BRIP1: variants seen among roughly 807,000 people sequenced by gnomAD.
BRIP1 encodes the protein BRCA1 interacting DNA helicase 1.
BRIP1 carries 88 observed loss-of-function variants against 119.7 expected under a neutral mutation model. The observed-to-expected ratio is 0.74, with a 90% confidence interval of 0.62 to 0.88. The LOEUF (loss-of-function observed/expected upper bound fraction) is 0.88. Ranked by LOEUF, BRIP1 falls within the 40% of genes least tolerant of loss-of-function variation. The probability of loss-of-function intolerance (pLI) is 0.00; values close to 1 mark genes in which losing one functional copy is unlikely to be tolerated. For missense variants in BRIP1, 1,259 were observed against 1,455.4 expected (o/e 0.87, Z 2.20); for synonymous variants, 443 against 496.5 (o/e 0.89, Z 1.43).
rs2077160966 is a variant in BRIP1 at position 61,753,549 on chromosome 17, G to A, written c.2098-8958C>T. Among the ~76,000 whole-genome samples the A allele has an allele frequency of 6.6e-6, 1 of 151,328 alleles. No individual in the cohort carries two copies. The highest frequency in any genetic ancestry group is 1.5e-5 in the Non-Finnish European group (1 of 67,878). The stretch of plus-strand genomic sequence containing the variant: ...ATGTATAGAGATGAGATTGCCTAGT[G>A]GGAGAGTACAGATTTAAAAGGGGGG... On this transcript the variant is annotated intron_variant, in intron 14 of 19. Coordinates refer to ENST00000259008, the MANE Select transcript of BRIP1 (RefSeq NM_032043.3). The surrounding 1 kb of genome is among the most constrained non-coding windows in gnomAD (Gnocchi z 4.6).
chr17:61,743,107 C>A lies in BRIP1; in HGVS notation c.2285G>T (p.Arg762Leu), dbSNP rs200960251. 1 of 1,613,938 alleles carries A rather than the reference C, an allele frequency of 6.2e-7. No homozygotes were observed. The highest frequency in any genetic ancestry group is 1.1e-5 in the South Asian group (1 of 91,080). ...KDGALLVAVC[R>L]GKVSEGLDFS... ...ATCCAGACCCTCACTCACTTTACCA[C>A]GACAAACTGCTACCAGGAGAGCTCC... Residue 762 changes from arginine to leucine, a missense_variant, in exon 16 of 20, where the codon CGT (arginine) becomes CTT (leucine). Physicochemically the swap from Arg to Leu is moderately radical, Grantham distance 102. Around this residue, in one of 3 missense-constraint regions of BRIP1, gnomAD observed 753 missense variants for 891.8 expected, o/e 0.84. Coordinates refer to ENST00000259008, the MANE Select transcript of BRIP1 (RefSeq NM_032043.3). This position sits in a 1 kb window ranked among gnomAD's most constrained non-coding sequence, Gnocchi z 4.3.
chr17:61,705,094 G>C lies in BRIP1; in HGVS notation c.2492+10857C>G, dbSNP rs1258333027. ...TCAACCCTTGCTTCCCTCCTTCTCT[G>C]CCTCCACTTACATTCATTCCCTAGT... On this transcript the variant is annotated intron_variant, in intron 17 of 19. Transcript: ENST00000259008. The surrounding 1 kb of genome is among the most constrained non-coding windows in gnomAD (Gnocchi z 5.0). 6.6e-6 allele frequency among the ~76,000 whole-genome samples: 1 copy of C among 151,978 alleles called. No individual in the cohort carries two copies. Among genetic ancestry groups the C allele is most frequent in the Non-Finnish European group, 1.5e-5 (1 of 67,952 alleles).
rs1284859367 is a variant in BRIP1 at position 61,796,829 on chromosome 17, G to C, written c.1340+2271C>G. Among the ~76,000 whole-genome samples, 1 of 151,966 alleles carries C rather than the reference G, an allele frequency of 6.6e-6. No individual in the cohort carries two copies. The highest frequency in any genetic ancestry group is 1.5e-5 in the Non-Finnish European group (1 of 67,948). ...GAGAAGACTGTAGGATGATAGATAT[G>C]AACAATCAATGATATTGAGGAATTG... On this transcript the variant is annotated intron_variant, in intron 9 of 19. Transcript: ENST00000259008. This position sits in a 1 kb window ranked among gnomAD's most constrained non-coding sequence, Gnocchi z 4.8.
At chr17:61,771,356 T>C (rs1157151850) in intron 14 of BRIP1, among the ~76,000 whole-genome samples, 3 of 152,176 alleles carry the variant, frequency 2.0e-5, no homozygotes, top group Admixed American at 2.0e-4. Context: ...TACACAACTT[T>C]GTGAATATAC....
rs1325208540 is a variant in BRIP1 at position 61,744,134 on chromosome 17, A to G, written c.2257+298T>C. Among the ~76,000 whole-genome samples the G allele has an allele frequency of 6.6e-6, 1 of 152,198 alleles. No homozygotes were observed. Among genetic ancestry groups the G allele is most frequent in the African/African-American group, 2.4e-5 (1 of 41,460 alleles). ...ATAGGTCTCATTTGGCTAGTAAGGA[A>G]TATATTTATATATATCCTAACTGCC... On this transcript the variant is annotated intron_variant, in intron 15 of 19. Coordinates refer to ENST00000259008, the MANE Select transcript of BRIP1 (RefSeq NM_032043.3). This position sits in a 1 kb window ranked among gnomAD's most constrained non-coding sequence, Gnocchi z 5.0.
rs1442966013 is a variant in BRIP1, at chr17:61,815,121, A to G, written c.628-6364T>C. Among the ~76,000 whole-genome samples the G allele has an allele frequency of 1.3e-5, 2 of 151,816 alleles. No individual in the cohort carries two copies. Among genetic ancestry groups the G allele is most frequent in the African/African-American group, 2.4e-5 (1 of 41,392 alleles). On this transcript the variant is annotated intron_variant, in intron 6 of 19. Transcript: ENST00000259008. This position sits in a 1 kb window ranked among gnomAD's most constrained non-coding sequence, Gnocchi z 4.1. ...AAAATGCTAGAAGTGCTGGAAAAAA[A>G]AAAAAAAACCCACAGTAAATATACT...
At chr17:61,835,758 T>G (rs2078562534) in intron 6 of BRIP1, among the ~76,000 whole-genome samples, 1 of 151,854 alleles carries the variant, frequency 6.6e-6, no homozygotes, top group African/African-American at 2.4e-5. Context: ...TATAACAATT[T>G]AGTACATGAT....
rs2077561095 is a variant in BRIP1 at position 61,778,031 on chromosome 17, T to C, written c.1936-1469A>G. Among the ~76,000 whole-genome samples, 1 of 152,106 alleles carries C rather than the reference T, an allele frequency of 6.6e-6. No homozygotes were observed. The highest frequency in any genetic ancestry group is 1.5e-5 in the Non-Finnish European group (1 of 68,014). On this transcript the variant is annotated intron_variant, in intron 13 of 19. Transcript: ENST00000259008. This position sits in a 1 kb window ranked among gnomAD's most constrained non-coding sequence, Gnocchi z 4.4. ...ATGTCACTTTGGAGATTCTAAGGAT[T>C]TTAGGAGTTGTATGCCAGGAAATGG...
At position 61,706,183 on chromosome 17, in the gene BRIP1, G is replaced by C. The variant is rs1377277281; in HGVS notation, c.2492+9768C>G. Among the ~76,000 whole-genome samples the C allele has an allele frequency of 5.3e-5, 8 of 151,778 alleles. No individual in the cohort carries two copies. The East Asian group carries it at 1.4e-3, about 26-fold the overall frequency. ...AATGTTCTCTTTTATCCCTAATTTT[G>C]TTTGCTTGGAATTCTACTTTATCTG... On this transcript the variant is annotated intron_variant, in intron 17 of 19. Transcript: ENST00000259008. This position sits in a 1 kb window ranked among gnomAD's most constrained non-coding sequence, Gnocchi z 5.7.
At position 61,748,401 on chromosome 17, in the gene BRIP1, T is replaced by C. The variant is rs1024905195; in HGVS notation, c.2098-3810A>G. Among the ~76,000 whole-genome samples the C allele has an allele frequency of 8.5e-5, 13 of 152,274 alleles. No homozygotes were observed. The highest frequency in any genetic ancestry group is 2.6e-4 in the African/African-American group (11 of 41,558). ...GGGGACCATTGATTTTAAAGACTAA[T>C]ACAAATGTAGATTCAATGTAACTCC... On this transcript the variant is annotated intron_variant, in intron 14 of 19. Transcript: ENST00000259008. This position sits in a 1 kb window ranked among gnomAD's most constrained non-coding sequence, Gnocchi z 4.7.
Position 61,770,002 on chromosome 17 carries a change from G to A in BRIP1, c.2097+6399C>T, listed in dbSNP as rs182667796. Among the ~76,000 whole-genome samples, 214 of 152,244 alleles carry A rather than the reference G, an allele frequency of 1.4e-3. No homozygotes were observed. Among genetic ancestry groups the A allele is most frequent in the African/African-American group, 4.9e-3 (205 of 41,542 alleles). ...AGAAAAACCCTACTGTTTCGGGCAG[G>A]AGGAGGGAAAAAAACAACCATTTTG... On this transcript the variant is annotated intron_variant, in intron 14 of 19. Transcript: ENST00000259008. The surrounding 1 kb of genome is among the most constrained non-coding windows in gnomAD (Gnocchi z 4.7).
rs770966270 is a variant in BRIP1 at position 61,686,015 on chromosome 17, A to C, written c.2726T>G (p.Leu909Arg). 9 of 1,614,026 alleles carry C rather than the reference A, an allele frequency of 5.6e-6. No individual in the cohort carries two copies. The highest frequency in any genetic ancestry group is 7.6e-6 in the Non-Finnish European group (9 of 1,179,946). ...ACTGTACTTTAAAGAGGTCACTTCA[A>C]GTGTAGACTCATTGTCCTGTATATT... Reference protein sequence around the residue: ...RTNIQDNESTLEVTSLKYSTS... With the variant: ...RTNIQDNESTREVTSLKYSTS... The change falls in exon 19 of 20, where the codon CTT becomes CGT. Residue 909 changes from leucine to arginine, a missense_variant. Physicochemically the swap from Leu to Arg is moderately radical, Grantham distance 102. Transcript: ENST00000259008. This position sits in a 1 kb window ranked among gnomAD's most constrained non-coding sequence, Gnocchi z 5.4.
At position 61,780,739 on chromosome 17, in the gene BRIP1, A is replaced by C; in HGVS notation, c.1794+101T>G. ...AAGACCCTGCCTCAAAACAACAACA[A>C]CAACAACAACAAACAACTATCTTTA... On this transcript the variant is annotated intron_variant, in intron 12 of 19. Transcript: ENST00000259008. This position sits in a 1 kb window ranked among gnomAD's most constrained non-coding sequence, Gnocchi z 5.4. The C allele has an allele frequency of 7.1e-7, 1 of 1,400,870 alleles. No homozygotes were observed. Among genetic ancestry groups the C allele is most frequent in the South Asian group, 1.2e-5 (1 of 85,858 alleles). 86.8% of individuals were successfully genotyped at this position (1,400,870 alleles called of 1,614,324 possible). A position where few individuals can be genotyped will look rare whatever the true frequency, so the allele number is the denominator to read the frequency against.
rs2144849800 is a variant in BRIP1 at position 61,761,460 on chromosome 17, A to G, written c.2097+14941T>C. Among the ~76,000 whole-genome samples the G allele has an allele frequency of 6.6e-6, 1 of 152,108 alleles. No individual in the cohort carries two copies. The highest frequency in any genetic ancestry group is 2.1e-4 in the South Asian group (1 of 4,822). On this transcript the variant is annotated intron_variant, in intron 14 of 19. Coordinates refer to ENST00000259008, the MANE Select transcript of BRIP1 (RefSeq NM_032043.3). This position sits in a 1 kb window ranked among gnomAD's most constrained non-coding sequence, Gnocchi z 6.4. ...AAAGCATCCAAATAGAAAAGAAAAA[A>G]GTGAAACTGCCCCTGTTTGCTGAAG...
In BRIP1 at chr17:61,729,147, C is replaced by T. The variant is rs9905870; in HGVS notation, c.2380-13084G>A. ...AATACAAATTAGCTGGGCGTGGTGG[C>T]GCATGCCTGTAATCCCAGCTACTCG... On this transcript the variant is annotated intron_variant, in intron 16 of 19. Coordinates refer to ENST00000259008, the MANE Select transcript of BRIP1 (RefSeq NM_032043.3). This position sits in a 1 kb window ranked among gnomAD's most constrained non-coding sequence, Gnocchi z 5.6. Among the ~76,000 whole-genome samples the T allele has an allele frequency of 0.73, 111,157 of 151,790 alleles. 41,279 individuals are homozygous for T. The highest frequency in any genetic ancestry group is 0.81 in the Middle Eastern group (237 of 292).
chr17:61,680,770 C>T lies in BRIP1; in HGVS notation c.*2526G>A, dbSNP rs1164645665. ...CTGGGATTACAGGCGTGAGCCACCGCGCCTGGCCCTAAAGGTAATTTTAAA... is the reference window on the plus strand; with the variant it reads ...CTGGGATTACAGGCGTGAGCCACCGTGCCTGGCCCTAAAGGTAATTTTAAA... On this transcript the variant is annotated 3_prime_UTR_variant, in exon 20 of 20. Coordinates refer to ENST00000259008, the MANE Select transcript of BRIP1 (RefSeq NM_032043.3). Among the ~76,000 whole-genome samples the T allele has an allele frequency of 2.0e-5, 3 of 152,228 alleles. No homozygotes were observed. Among genetic ancestry groups the T allele is most frequent in the Non-Finnish European group, 2.9e-5 (2 of 68,024 alleles).
intron 14 of BRIP1, among the ~76,000 whole-genome samples, chr17:61,747,083 TGA>T (rs2077067658): frequency 6.6e-6 from 1 of 151,810 alleles, no homozygotes; most frequent in Non-Finnish European, 1.5e-5. Context: ...GAACAACCAA[TGA>T]ATGGGTCAAA....
chr17:61,802,052 G>A lies in BRIP1; in HGVS notation c.919-578C>T, dbSNP rs1427180396. On this transcript the variant is annotated intron_variant, in intron 7 of 19. Transcript: ENST00000259008. This position sits in a 1 kb window ranked among gnomAD's most constrained non-coding sequence, Gnocchi z 6.0. ...AAAATATTCAGGAGTACCAAAAAAAGCCTAAATTATCCATAATTCTATTAC... is the reference window on the plus strand; with the variant it reads ...AAAATATTCAGGAGTACCAAAAAAAACCTAAATTATCCATAATTCTATTAC... 2.6e-5 allele frequency among the ~76,000 whole-genome samples: 4 copies of A among 152,126 alleles called. No individual in the cohort carries two copies. The highest frequency in any genetic ancestry group is 6.5e-5 in the Admixed American group (1 of 15,268).
Position 61,846,059 on chromosome 17 carries a change from G to A in BRIP1, c.627+1042C>T, listed in dbSNP as rs1406557642. Among the ~76,000 whole-genome samples the A allele has an allele frequency of 1.3e-5, 2 of 152,026 alleles. No individual in the cohort carries two copies. Among genetic ancestry groups the A allele is most frequent in the Non-Finnish European group, 2.9e-5 (2 of 67,994 alleles). On this transcript the variant is annotated intron_variant, in intron 6 of 19. Transcript: ENST00000259008. This position sits in a 1 kb window ranked among gnomAD's most constrained non-coding sequence, Gnocchi z 4.3. ...TAGCCAGGCGTGGTGGCAGGCGCCT[G>A]TAGTCCCAACTACTCGGGAGGTTGA...
Sources: allele counts gnomAD v4.1 joint callset (sites outside exome capture counted in the v4.1 genomes callset), GRCh38; gene constraint gnomAD v4.1.1; regional missense constraint gnomAD v4.1.1; non-coding constraint Gnocchi (gnomAD v3.1); transcripts MANE v1.5; gene names NCBI Gene and HGNC (gene_info 2026-07-23, HGNC 2026-07-21).